SLC38A6: variants seen among roughly 807,000 people sequenced by gnomAD.
SLC38A6 encodes the protein N system amino acid transporter NAT-1.
Under a neutral mutation model 65.0 loss-of-function variants are expected in SLC38A6, and 73 were observed. The observed-to-expected ratio is 1.12, with a 90% CI of 0.93 to 1.37. SLC38A6 has a LOEUF of 1.37. Ranked by LOEUF, SLC38A6 falls within the 40% of genes most tolerant of loss-of-function variation. SLC38A6 has a pLI of 0.00. For synonymous variants in SLC38A6, 183 were observed against 178.8 expected (o/e 1.02, Z -0.19); for missense variants, 561 against 531.1 (o/e 1.06, Z -0.55).
chr14:61,024,781 T>A (rs763264673), intron 5 of SLC38A6, among the ~76,000 whole-genome samples: 18 of 152,204 alleles, frequency 1.2e-4, no homozygotes, highest in Non-Finnish European at 2.1e-4. Flanking sequence ...AGAAAAAGTC[T>A]TATTAACTCT....
chr14:61,074,878 A>G (rs1458255046), intron 15 of SLC38A6, among the ~76,000 whole-genome samples: 2 of 151,924 alleles, frequency 1.3e-5, no homozygotes, highest in African/African-American at 4.8e-5. Flanking sequence ...GAATATCTTG[A>G]TAAGTCATTT....
At chr14:61,053,931 G>A (rs1450705745), downstream of SLC38A6, among the ~76,000 whole-genome samples, 2 of 151,990 alleles carry the variant, frequency 1.3e-5, no homozygotes, top group Non-Finnish European at 2.9e-5. Context: ...TGGTGCCTTT[G>A]TCATGAAATC....
intron 3 of SLC38A6, among the ~76,000 whole-genome samples, chr14:61,013,474 T>C (rs1256914454): frequency 6.6e-6 from 1 of 152,238 alleles, no homozygotes; most frequent in South Asian, 2.1e-4. Context: ...AGTTTCTTCC[T>C]AGCCTTGATG....
At chr14:61,038,531 T>A (rs765625471) in intron 8 of SLC38A6, among the ~76,000 whole-genome samples, 2 of 152,276 alleles carry the variant, frequency 1.3e-5, no homozygotes, top group East Asian at 1.9e-4. Flanking sequence ...CTCTTTCTTG[T>A]TTTTGAAAAT....
At chr14:60,985,622 G>T (rs1335713338) in intron 3 of SLC38A6, among the ~76,000 whole-genome samples, 2 of 152,128 alleles carry the variant, frequency 1.3e-5, no homozygotes, top group African/African-American at 4.8e-5. Context: ...GTGATGTTCA[G>T]ATTTTAAGAA....
chr14:60,989,754 T>C (rs2037722174), intron 3 of SLC38A6, among the ~76,000 whole-genome samples: 1 of 152,122 alleles, frequency 6.6e-6, no homozygotes, highest in Non-Finnish European at 1.5e-5. Flanking sequence ...CTAAACCAGA[T>C]GTCTCCAGTT....
intron 15 of SLC38A6, among the ~76,000 whole-genome samples, chr14:61,075,269 T>C (rs2139981245): frequency 1.3e-5 from 2 of 152,314 alleles, no homozygotes; most frequent in Middle Eastern, 6.8e-3. Context: ...AAAAATACCT[T>C]GTGTGAACAG....
At chr14:61,054,613 G>C (rs1400997863), downstream of SLC38A6, among the ~76,000 whole-genome samples, 1 of 152,096 alleles carries the variant, frequency 6.6e-6, no homozygotes, top group African/African-American at 2.4e-5. Context: ...TGTATTCCTA[G>C]GTATTTTATT....
intron 6 of SLC38A6, among the ~76,000 whole-genome samples, chr14:61,031,750 G>T (rs1277456958): frequency 6.7e-6 from 1 of 148,980 alleles, no homozygotes; most frequent in Non-Finnish European, 1.5e-5. Context: ...AACATTGAGG[G>T]CACCTTCTAT....
chr14:61,076,555 A>C (rs181901708), intron 15 of SLC38A6, among the ~76,000 whole-genome samples: 1 of 152,258 alleles, frequency 6.6e-6, no homozygotes, highest in Non-Finnish European at 1.5e-5. Context: ...AAGTTTGACT[A>C]TAAAGGCTGT....
intron 8 of SLC38A6, 128 bp from the exon 9 acceptor site, chr14:61,043,019 A>G: frequency 1.7e-6 from 1 of 593,878 alleles, no homozygotes; most frequent in South Asian, 2.5e-5. Context: ...TAACCGGGAA[A>G]AGTCACAGAA....
intron 3 of SLC38A6, among the ~76,000 whole-genome samples, chr14:61,006,201 A>G (rs1405511909): frequency 2.6e-5 from 4 of 152,196 alleles, no homozygotes; most frequent in Non-Finnish European, 4.4e-5. Flanking sequence ...AGACTTAAAC[A>G]TTAGATCTAA....
Position 61,052,351 on chromosome 14 carries a change from A to T in SLC38A6, c.1293A>T (p.Ala431=). The stretch of plus-strand genomic sequence containing the variant: ...TATCTTTTTTCTTATTTCCACAGGC[A>T]TTCGTTTTGCTCATCTTTGGAATTT... ...EDFLSWKKLG[A]FVLLIFGILV... Residue 431 remains alanine (A), a splice_region_variant and synonymous_variant, in exon 16 of 16, where the codon GCA becomes GCT. Coordinates refer to ENST00000267488, the MANE Select transcript of SLC38A6 (RefSeq NM_153811.3). The T allele has an allele frequency of 1.3e-6, 2 of 1,588,134 alleles. No individual in the cohort carries two copies. The highest frequency in any genetic ancestry group is 1.7e-6 in the Non-Finnish European group (2 of 1,169,108).
At chr14:61,055,106 C>CTTTTTT (rs1280245361), downstream of SLC38A6, among the ~76,000 whole-genome samples, 1,506 of 62,940 alleles carry the variant, frequency 0.024, 12 homozygotes, top group African/African-American at 0.029. Context: ...AAGTCTTTTT[C>CTTTTTT]TTTTTTTTTT....
At chr14:61,067,493 G>A (rs1009258801) in intron 15 of SLC38A6, among the ~76,000 whole-genome samples, 9 of 151,856 alleles carry the variant, frequency 5.9e-5, no homozygotes, top group Non-Finnish European at 1.2e-4. Flanking sequence ...ATTTTTCCCC[G>A]GAAAAAGTAA....
chr14:60,999,286 G>A (rs760596504), intron 3 of SLC38A6, among the ~76,000 whole-genome samples: 3 of 152,158 alleles, frequency 2.0e-5, no homozygotes, highest in Admixed American at 1.3e-4. Flanking sequence ...CAAAGAAAAC[G>A]TAGTCTTCTG....
chr14:61,042,605 C>G (rs1403818526), intron 8 of SLC38A6, among the ~76,000 whole-genome samples: 1 of 152,098 alleles, frequency 6.6e-6, no homozygotes, highest in Non-Finnish European at 1.5e-5. Context: ...TAGCTATATG[C>G]TCCTATTCCA....
chr14:61,055,161 C>A, downstream of SLC38A6, among the ~76,000 whole-genome samples: 1 of 77,828 alleles, frequency 1.3e-5, no homozygotes, highest in Non-Finnish European at 2.4e-5. Context: ...TACATGTGCA[C>A]ATTGTGCAGG....
At chr14:60,985,476 A>G (rs1480469953) in intron 3 of SLC38A6, among the ~76,000 whole-genome samples, 4 of 152,196 alleles carry the variant, frequency 2.6e-5, no homozygotes, top group African/African-American at 9.6e-5. Flanking sequence ...TTTGTCATTA[A>G]CAAATATTCT....
Sources: gnomAD v4.1 joint callset for allele counts (sites outside exome capture counted in the v4.1 genomes callset) on GRCh38, gnomAD v4.1.1 for gene constraint, MANE v1.5 for transcripts, NCBI Gene and HGNC (gene_info 2026-07-23, HGNC 2026-07-21) for gene names.